Variants in ACAP2 observed in about 807,000 individuals in gnomAD.
ACAP2 encodes ArfGAP with coiled-coil, ankyrin repeat and PH domains 2, also known as arf-GAP with coiled-coil, ANK repeat and PH domain-containing protein 2.
In ACAP2, 39 loss-of-function variants were observed where a neutral mutation model predicts 115.8. That is an observed-to-expected ratio of 0.34 (90% confidence interval 0.26 to 0.44). The LOEUF (loss-of-function observed/expected upper bound fraction) is 0.44, where lower values mean the gene tolerates loss of function less well. Ranked by LOEUF, ACAP2 falls within the 20% of genes least tolerant of loss-of-function variation. The probability of loss-of-function intolerance (pLI) is 1.00; values close to 1 mark genes in which losing one functional copy is unlikely to be tolerated. For synonymous variants in ACAP2, 289 were observed against 315.8 expected (o/e 0.92, Z 0.90); for missense variants, 662 against 927.6 (o/e 0.71, Z 3.72).
At chr3:195,316,051 T>G (rs1204728841) in intron 10 of ACAP2, among the ~76,000 whole-genome samples, 2 of 152,192 alleles carry the variant, frequency 1.3e-5, no homozygotes, top group African/African-American at 4.8e-5. Flanking sequence ...ATGGTATGTT[T>G]CTATGGATTT....
intron 1 of ACAP2, among the ~76,000 whole-genome samples, chr3:195,423,135 G>A (rs1240879253): frequency 6.6e-6 from 1 of 151,822 alleles, no homozygotes; most frequent in Non-Finnish European, 1.5e-5. Flanking sequence ...ACGAGCTGCA[G>A]GTCAAACTTT....
At position 195,291,714 on chromosome 3, in the gene ACAP2, C is replaced by T. The variant is rs770530404; in HGVS notation, c.2055G>A (p.Gly685=). ...GAAAGCACTGCAGTTACCCTGTGTG[C>T]CCTAAGACGGTGGCATGGTGCAATG... ...RGPLHHATVL[G]HTGQVCLFLK... Residue 685 remains glycine, a synonymous_variant, in exon 20 of 23, where the codon GGG becomes GGA. Transcript: ENST00000326793. The T allele has an allele frequency of 6.2e-6, 10 of 1,613,186 alleles. No individual in the cohort carries two copies. The East Asian group carries it at 2.0e-4, about 32-fold the overall frequency.
chr3:195,366,039 A>G (rs1448512536), intron 4 of ACAP2, among the ~76,000 whole-genome samples: 4 of 152,022 alleles, frequency 2.6e-5, no homozygotes, highest in Non-Finnish European at 5.9e-5. Context: ...ATGGGGTTTC[A>G]CCACGTTGGC....
intron 10 of ACAP2, among the ~76,000 whole-genome samples, chr3:195,315,317 G>A (rs1210198191): frequency 6.6e-6 from 1 of 152,202 alleles, no homozygotes; most frequent in Non-Finnish European, 1.5e-5. Flanking sequence ...CACAATGACT[G>A]GCCTTATATG....
intron 22 of ACAP2, among the ~76,000 whole-genome samples, chr3:195,285,149 A>G (rs1726761331): frequency 6.6e-6 from 1 of 152,264 alleles, no homozygotes; most frequent in Non-Finnish European, 1.5e-5. Flanking sequence ...AGCTTTAGAT[A>G]AAATGAGACC....
At chr3:195,284,402 C>A (rs1403745531) in intron 22 of ACAP2, among the ~76,000 whole-genome samples, 1 of 152,114 alleles carries the variant, frequency 6.6e-6, no homozygotes, top group Non-Finnish European at 1.5e-5. Flanking sequence ...TGGGTGAAAT[C>A]CAGAATGAAC....
chr3:195,350,051 T>C (rs1457933119), intron 4 of ACAP2: 2 of 170,282 alleles, frequency 1.2e-5, no homozygotes, highest in East Asian at 1.8e-4. Context: ...TCAAATAAAG[T>C]GAGCAAATCA....
chr3:195,398,465 T>C (rs1407943930), intron 1 of ACAP2, among the ~76,000 whole-genome samples: 1 of 151,628 alleles, frequency 6.6e-6, no homozygotes, highest in Non-Finnish European at 1.5e-5. Context: ...ATCAACATGG[T>C]GAAACCCTGT....
intron 4 of ACAP2, among the ~76,000 whole-genome samples, chr3:195,368,552 G>A (rs183160622): frequency 8.7e-4 from 133 of 152,188 alleles, no homozygotes; most frequent in Non-Finnish European, 1.4e-3. Flanking sequence ...ACCACAATTT[G>A]TGTTATCATT....
chr3:195,387,905 C>T (rs781290383), intron 2 of ACAP2, among the ~76,000 whole-genome samples: 21 of 152,084 alleles, frequency 1.4e-4, no homozygotes, highest in Non-Finnish European at 2.5e-4. Context: ...CATAATAATC[C>T]TATGAAATAG....
chr3:195,382,528 T>C (rs1275878735), intron 2 of ACAP2, among the ~76,000 whole-genome samples: 2 of 152,130 alleles, frequency 1.3e-5, no homozygotes, highest in Non-Finnish European at 2.9e-5. Flanking sequence ...CATTCCTTCC[T>C]TCCTTCTTTC....
At chr3:195,424,261 G>GTGTATATATATA (rs1456909404) in intron 1 of ACAP2, among the ~76,000 whole-genome samples, 1 of 54,654 alleles carries the variant, frequency 1.8e-5, no homozygotes, top group Non-Finnish European at 3.4e-5. Context: ...GTGTGTGTGT[G>GTGTATATATATA]TATATATATA....
rs771889164 is a variant in ACAP2, at chr3:195,302,030, C to A, written c.1261G>T (p.Asp421Tyr). The A allele has an allele frequency of 6.2e-7, 1 of 1,614,078 alleles. No homozygotes were observed. The highest frequency in any genetic ancestry group is 8.5e-7 in the Non-Finnish European group (1 of 1,180,038). ...NASCCDCGLA[D>Y]PRWASINLGI... Reference sequence around the variant, plus strand: ...AGGTTGATGCTGGCCCACCGTGGATCTGCCAGGCCACAGTCACAACAGCTG... The same window carrying A: ...AGGTTGATGCTGGCCCACCGTGGATATGCCAGGCCACAGTCACAACAGCTG... Residue 421 changes from aspartate to tyrosine, a missense_variant, in exon 14 of 23, where the codon GAT (aspartate) becomes TAT (tyrosine). By Grantham distance (160) the Asp-to-Tyr change is radical. This residue lies in a region of ACAP2 where 401 missense variants were observed against 604.4 expected (regional missense o/e 0.66). Coordinates refer to ENST00000326793, the MANE Select transcript of ACAP2 (RefSeq NM_012287.6).
chr3:195,340,400 C>T (rs1426773633), intron 6 of ACAP2, among the ~76,000 whole-genome samples: 1 of 151,682 alleles, frequency 6.6e-6, no homozygotes, highest in East Asian at 1.9e-4. Flanking sequence ...AACAAAGTAC[C>T]TCTGGGGAAA....
intron 1 of ACAP2, among the ~76,000 whole-genome samples, chr3:195,409,342 A>T (rs184761822): frequency 6.6e-6 from 1 of 152,176 alleles, no homozygotes; most frequent in Non-Finnish European, 1.5e-5. Context: ...CATTTATAAT[A>T]GCATCAAAAT....
At chr3:195,345,154 A>G (rs779952522) in intron 5 of ACAP2, 105 bp downstream of exon 5, 10 of 795,902 alleles carry the variant, frequency 1.3e-5, no homozygotes, top group Admixed American at 5.1e-5. Context: ...CAAAATGTCA[A>G]TATTTTCAAT....
At chr3:195,296,396 A>G in intron 16 of ACAP2, among the ~76,000 whole-genome samples, 1 of 152,216 alleles carries the variant, frequency 6.6e-6, no homozygotes, top group East Asian at 1.9e-4. Context: ...TGATACCATT[A>G]TAAAATGCCA....
At chr3:195,291,066 T>G (rs1180056519) in intron 20 of ACAP2, among the ~76,000 whole-genome samples, 1 of 152,104 alleles carries the variant, frequency 6.6e-6, no homozygotes, top group Non-Finnish European at 1.5e-5. Context: ...AGCTTCTTGC[T>G]TATCCACCAC....
intron 4 of ACAP2, among the ~76,000 whole-genome samples, chr3:195,377,062 T>G (rs991263255): frequency 6.6e-6 from 1 of 151,136 alleles, no homozygotes; most frequent in African/African-American, 2.4e-5. Flanking sequence ...AATAAATGCC[T>G]CATGATTTTA....
Sources: allele counts gnomAD v4.1 joint callset (sites outside exome capture counted in the v4.1 genomes callset), GRCh38; gene constraint gnomAD v4.1.1; regional missense constraint gnomAD v4.1.1; transcripts MANE v1.5; gene names NCBI Gene and HGNC (gene_info 2026-07-23, HGNC 2026-07-21).